Variants in NBEA observed in about 807,000 individuals in gnomAD.
The protein encoded by NBEA is neurobeachin.
A neutral mutation model predicts 343.4 loss-of-function variants in NBEA; 44 were observed. The observed-to-expected ratio is 0.13, with a 90% CI of 0.10 to 0.16. The LOEUF is 0.16. NBEA is among the 10% of genes least tolerant of loss of function. The pLI is 1.00. For synonymous variants in NBEA, 1,175 were observed against 1,238.7 expected (o/e 0.95, Z 1.08); for missense variants, 2,555 against 3,631.3 (o/e 0.70, Z 7.62).
At chr13:34,993,044 C>G (rs1276084253) in intron 1 of NBEA, among the ~76,000 whole-genome samples, 1 of 152,058 alleles carries the variant, frequency 6.6e-6, no homozygotes, top group Non-Finnish European at 1.5e-5. Flanking sequence ...AGTCTCATCT[C>G]CTGCTACTGT....
At chr13:34,973,727 C>G (rs2060073823) in intron 1 of NBEA, among the ~76,000 whole-genome samples, 1 of 152,198 alleles carries the variant, frequency 6.6e-6, no homozygotes. Flanking sequence ...ACTGTTGCCC[C>G]TGGTTAGCTG....
intron 35 of NBEA, 142 bp downstream of exon 35, chr13:35,290,592 A>T: frequency 5.2e-6 from 3 of 572,970 alleles, no homozygotes; most frequent in Non-Finnish European, 9.2e-6. Flanking sequence ...AAAATAATTT[A>T]TGTTGAGTTT....
At chr13:34,991,486 C>A in intron 1 of NBEA, among the ~76,000 whole-genome samples, 1 of 152,072 alleles carries the variant, frequency 6.6e-6, no homozygotes, top group South Asian at 2.1e-4. Context: ...TTTTAAACAA[C>A]CACATCTTGT....
intron 48 of NBEA, among the ~76,000 whole-genome samples, chr13:35,611,833 C>G (rs2082535587): frequency 6.6e-6 from 1 of 152,176 alleles, no homozygotes; most frequent in Non-Finnish European, 1.5e-5. Context: ...TGATTTGTTT[C>G]TACTTTTTGG....
intron 1 of NBEA, among the ~76,000 whole-genome samples, chr13:34,978,305 T>G (rs1014661860): frequency 2.6e-5 from 4 of 152,218 alleles, no homozygotes; most frequent in Non-Finnish European, 5.9e-5. Flanking sequence ...TGAAAAAATT[T>G]TATAGTGAAC....
chr13:35,582,394 G>A (rs2081095134), intron 45 of NBEA, among the ~76,000 whole-genome samples: 1 of 152,192 alleles, frequency 6.6e-6, no homozygotes, highest in African/African-American at 2.4e-5. Context: ...TACCAATAAT[G>A]TAATTATGTT....
At chr13:35,402,339 G>T (rs529223047) in intron 38 of NBEA, among the ~76,000 whole-genome samples, 2 of 151,998 alleles carry the variant, frequency 1.3e-5, no homozygotes, top group East Asian at 1.9e-4. Context: ...TTTCTGTATT[G>T]TGAATGCCAT....
At chr13:35,186,889 C>G (rs1348871966) in intron 30 of NBEA, among the ~76,000 whole-genome samples, 1 of 151,900 alleles carries the variant, frequency 6.6e-6, no homozygotes, top group Non-Finnish European at 1.5e-5. Flanking sequence ...TATTCTTTTT[C>G]TTTGTGCTAT....
intron 1 of NBEA, among the ~76,000 whole-genome samples, chr13:35,025,635 T>C (rs562476970): frequency 2.6e-5 from 4 of 152,190 alleles, no homozygotes; most frequent in African/African-American, 9.6e-5. Flanking sequence ...GTGACGTCTT[T>C]GTTTTAGACT....
At chr13:35,441,427 G>A (rs2045731660) in intron 39 of NBEA, among the ~76,000 whole-genome samples, 1 of 151,610 alleles carries the variant, frequency 6.6e-6, no homozygotes, top group African/African-American at 2.4e-5. Flanking sequence ...ATTCATTTTT[G>A]GCATAATGTA....
At chr13:35,153,621 C>A (rs1200119223) in intron 18 of NBEA, among the ~76,000 whole-genome samples, 2 of 152,122 alleles carry the variant, frequency 1.3e-5, no homozygotes, top group Non-Finnish European at 2.9e-5. Flanking sequence ...ATTTAATCTT[C>A]CTAGCAGTTT....
chr13:35,522,710 C>T (rs1020725419), intron 41 of NBEA, among the ~76,000 whole-genome samples: 7 of 152,018 alleles, frequency 4.6e-5, no homozygotes, highest in East Asian at 2.0e-4. Context: ...GTCAGATCAG[C>T]GGCAGCATGA....
Position 35,643,242 on chromosome 13 carries a change from A to C in NBEA, c.7618-2627A>C, listed in dbSNP as rs142264369. Among the ~76,000 whole-genome samples the C allele has an allele frequency of 6.6e-5, 10 of 152,152 alleles. No individual in the cohort carries two copies. In the East Asian group the frequency reaches 1.7e-3, roughly 27 times the overall value. The stretch of plus-strand genomic sequence containing the variant: ...CCAAAAGTCTCTTTCCTAAGAACCT[A>C]TTCCCCTTCCCCTCTGTCACTCGTC... On this transcript the variant is annotated intron_variant, in intron 49 of 58. Transcript: ENST00000379939.
At chr13:35,335,341 T>C (rs2039186099) in intron 36 of NBEA, among the ~76,000 whole-genome samples, 1 of 152,174 alleles carries the variant, frequency 6.6e-6, no homozygotes, top group African/African-American at 2.4e-5. Context: ...GGTGATTCCA[T>C]GTAAATTTGA....
At chr13:35,654,508 T>A (rs1593484518) in intron 53 of NBEA, among the ~76,000 whole-genome samples, 1 of 152,374 alleles carries the variant, frequency 6.6e-6, no homozygotes, top group East Asian at 1.9e-4. Flanking sequence ...AGTTTTCATG[T>A]GATTCTTATA....
intron 1 of NBEA, among the ~76,000 whole-genome samples, chr13:34,976,981 C>A (rs2060200979): frequency 1.4e-5 from 2 of 144,994 alleles, no homozygotes; most frequent in Non-Finnish European, 3.0e-5. Flanking sequence ...GCTCTTGTTG[C>A]CCAGGCTAGA....
At chr13:35,380,753 G>A (rs2041971495) in intron 38 of NBEA, among the ~76,000 whole-genome samples, 1 of 152,024 alleles carries the variant, frequency 6.6e-6, no homozygotes, top group Non-Finnish European at 1.5e-5. Context: ...TTTTCAGTTT[G>A]TGTAGCTTTG....
At chr13:35,627,207 G>T (rs1276644812) in intron 48 of NBEA, among the ~76,000 whole-genome samples, 3 of 152,118 alleles carry the variant, frequency 2.0e-5, no homozygotes, top group Non-Finnish European at 4.4e-5. Context: ...GTCTTACATG[G>T]CTCTGCAATA....
chr13:35,411,854 T>A (rs2043607857), intron 38 of NBEA, among the ~76,000 whole-genome samples: 1 of 152,058 alleles, frequency 6.6e-6, no homozygotes, highest in Admixed American at 6.6e-5. Context: ...ACAATACAAG[T>A]TTTTTATTTG....
Sources: allele counts gnomAD v4.1 joint callset (sites outside exome capture counted in the v4.1 genomes callset), GRCh38; gene constraint gnomAD v4.1.1; transcripts MANE v1.5; gene names NCBI Gene and HGNC (gene_info 2026-07-23, HGNC 2026-07-21).